Variants in PRKG2 observed in about 807,000 individuals in gnomAD.
PRKG2 encodes protein kinase cGMP-dependent 2, also known as cGMP-dependent protein kinase 2.
PRKG2 carries 33 observed loss-of-function variants against 97.2 expected under a neutral mutation model. That is an observed-to-expected ratio of 0.34 (90% confidence interval 0.26 to 0.45). The LOEUF (loss-of-function observed/expected upper bound fraction) is 0.45, where lower values mean the gene tolerates loss of function less well. Among genes scored for constraint, PRKG2 ranks in the 20% least tolerant of loss-of-function variants. The pLI, the probability that PRKG2 is intolerant of heterozygous loss-of-function variation, is 1.00. For missense variants in PRKG2, 638 were observed against 900.0 expected (o/e 0.71, Z 3.73); for synonymous variants, 330 against 321.8 (o/e 1.03, Z -0.27).
intron 2 of PRKG2, chr4:81,193,014 G>T: frequency 6.5e-6 from 1 of 153,072 alleles, no homozygotes. Flanking sequence ...TTAGAGGTCC[G>T]TGTTCTCACT....
At chr4:81,105,761 C>A in intron 16 of PRKG2, 52 bp downstream of exon 16, 1 of 1,582,470 alleles carries the variant, frequency 6.3e-7, no homozygotes, top group Non-Finnish European at 8.6e-7. Flanking sequence ...AAACAGAAAC[C>A]GAAGCCTTTA....
At chr4:81,091,449 A>AT (rs988128686) in intron 18 of PRKG2, among the ~76,000 whole-genome samples, 5 of 150,902 alleles carry the variant, frequency 3.3e-5, no homozygotes, top group East Asian at 1.9e-4. Flanking sequence ...TGCCCGGCTA[A>AT]TTTTTTTTTA....
intron 6 of PRKG2, among the ~76,000 whole-genome samples, chr4:81,159,851 T>C (rs1161662394): frequency 6.6e-6 from 1 of 151,166 alleles, no homozygotes; most frequent in Non-Finnish European, 1.5e-5. Flanking sequence ...CAGTAAACTA[T>C]TGCAAGAACA....
intron 14 of PRKG2, among the ~76,000 whole-genome samples, chr4:81,116,232 G>A (rs765151596): frequency 2.6e-5 from 4 of 151,938 alleles, no homozygotes; most frequent in Non-Finnish European, 5.9e-5. Context: ...TCCCTTCTTT[G>A]TGTCCATATA....
chr4:81,208,025 T>C (rs891823144), intron 1 of PRKG2, among the ~76,000 whole-genome samples: 2 of 152,188 alleles, frequency 1.3e-5, no homozygotes. Context: ...AAATCATTCT[T>C]ACAGTCAGAG....
intron 13 of PRKG2, 52 bp from the exon 14 acceptor site, chr4:81,135,348 C>A: frequency 1.3e-6 from 2 of 1,561,550 alleles, no homozygotes; most frequent in South Asian, 2.4e-5. Flanking sequence ...ATCTTTGGTG[C>A]TGTTCTACGT....
chr4:81,104,289 G>T, intron 17 of PRKG2, 81 bp downstream of exon 17: 2 of 989,990 alleles, frequency 2.0e-6, no homozygotes, highest in Admixed American at 2.7e-5. Context: ...GACCTTTGTG[G>T]CCTCCTGAGA....
At chr4:81,089,912 T>C (rs1741382445) in intron 18 of PRKG2, 109 bp from the exon 19 acceptor site, 2 of 867,446 alleles carry the variant, frequency 2.3e-6, no homozygotes, top group Admixed American at 2.5e-5. Context: ...CTGCAGCCAC[T>C]TGGAAGTTAC....
intron 6 of PRKG2, chr4:81,165,136 T>G (rs561141425): frequency 1.3e-5 from 2 of 152,152 alleles, no homozygotes; most frequent in African/African-American, 2.4e-5. Flanking sequence ...CTCGTTTTCT[T>G]ATCAGAACAC....
chr4:81,099,531 C>T (rs1227301033), intron 17 of PRKG2, among the ~76,000 whole-genome samples: 1 of 152,152 alleles, frequency 6.6e-6, no homozygotes, highest in Non-Finnish European at 1.5e-5. Context: ...GCTAAAAACT[C>T]TCAATAAATG....
intron 14 of PRKG2, among the ~76,000 whole-genome samples, chr4:81,114,058 GACTTGC>G (rs1296829512): frequency 6.6e-6 from 1 of 152,060 alleles, no homozygotes; most frequent in Non-Finnish European, 1.5e-5. Flanking sequence ...ATGAAGGGAA[GACTTGC>G]ATACCCCAGG....
At chr4:81,121,956 A>G (rs1745112221) in intron 14 of PRKG2, among the ~76,000 whole-genome samples, 1 of 152,216 alleles carries the variant, frequency 6.6e-6, no homozygotes, top group Admixed American at 6.5e-5. Flanking sequence ...ACTCAATATA[A>G]GTAAGATTAA....
intron 14 of PRKG2, among the ~76,000 whole-genome samples, chr4:81,131,619 G>A (rs991589384): frequency 6.6e-5 from 10 of 152,042 alleles, no homozygotes; most frequent in South Asian, 2.1e-4. Flanking sequence ...CTATGTTTAC[G>A]TCTAGGTGAT....
At chr4:81,181,351 AAT>A (rs1429334231) in intron 2 of PRKG2, among the ~76,000 whole-genome samples, 21 of 152,118 alleles carry the variant, frequency 1.4e-4, no homozygotes, top group African/African-American at 4.8e-4. Context: ...TAAATAATAA[AAT>A]ATGACATAAA....
chr4:81,103,222 C>T (rs116114698), intron 17 of PRKG2, among the ~76,000 whole-genome samples: 2,920 of 152,204 alleles, frequency 0.019, 89 homozygotes, highest in African/African-American at 0.066. Flanking sequence ...AGGTGTGTTA[C>T]GTATCTATAC....
At chr4:81,092,339 C>T (rs1560527004) in intron 18 of PRKG2, 47 bp downstream of exon 18, 1 of 1,326,198 alleles carries the variant, frequency 7.5e-7, no homozygotes. Context: ...TGTACAAAAA[C>T]AAATCCCTGG....
intron 6 of PRKG2, among the ~76,000 whole-genome samples, chr4:81,162,730 C>T (rs1217034629): frequency 6.6e-6 from 1 of 152,106 alleles, no homozygotes; most frequent in Admixed American, 6.6e-5. Flanking sequence ...GACTATGACC[C>T]TTATAGGATG....
At chr4:81,183,451 C>T (rs1016072423) in intron 2 of PRKG2, among the ~76,000 whole-genome samples, 15 of 152,140 alleles carry the variant, frequency 9.9e-5, no homozygotes, top group Non-Finnish European at 2.1e-4. Context: ...GAATGGTGTA[C>T]TCAGGCCCAG....
intron 2 of PRKG2, among the ~76,000 whole-genome samples, chr4:81,175,227 C>T (rs1750819838): frequency 6.6e-6 from 1 of 152,014 alleles, no homozygotes; most frequent in Non-Finnish European, 1.5e-5. Flanking sequence ...ACAAATGTAG[C>T]ATTTCTCAAG....
Sources: gnomAD v4.1 joint callset for allele counts (sites outside exome capture counted in the v4.1 genomes callset) on GRCh38, gnomAD v4.1.1 for gene constraint, MANE v1.5 for transcripts, NCBI Gene and HGNC (gene_info 2026-07-23, HGNC 2026-07-21) for gene names.